RYK: variants seen among roughly 807,000 people sequenced by gnomAD.
The protein encoded by RYK is receptor like tyrosine kinase, also known as inactive tyrosine-protein kinase RYK.
Under a neutral mutation model 70.2 loss-of-function variants are expected in RYK, and 21 were observed. The observed-to-expected ratio is 0.30, with a 90% CI of 0.21 to 0.43. RYK has a LOEUF of 0.43. RYK is among the 20% of genes least tolerant of loss of function. The pLI is 1.00. For missense variants in RYK, 604 were observed against 753.3 expected, an observed-to-expected ratio of 0.80 and a Z score of 2.32; for synonymous variants, 267 against 278.0, an observed-to-expected ratio of 0.96 and a Z score of 0.39.
At chr3:134,232,798 T>A (rs1046218407) in intron 1 of RYK, among the ~76,000 whole-genome samples, 7 of 152,234 alleles carry the variant, frequency 4.6e-5, no homozygotes, top group African/African-American at 1.7e-4. Context: ...AAGTGGTAAG[T>A]AAGATCATTC....
intron 1 of RYK, among the ~76,000 whole-genome samples, chr3:134,228,301 A>G (rs2014964145): frequency 6.6e-6 from 1 of 152,058 alleles, no homozygotes; most frequent in Non-Finnish European, 1.5e-5. Context: ...TAGGGGGAAA[A>G]AAAAATAACT....
At chr3:134,188,740 G>C in intron 9 of RYK, 97 bp downstream of exon 9, 1 of 716,314 alleles carries the variant, frequency 1.4e-6, no homozygotes, top group South Asian at 1.7e-5. Flanking sequence ...GATTTAAAAG[G>C]TCTGGCACAC....
chr3:134,175,192 G>A (rs1293445157), intron 13 of RYK, among the ~76,000 whole-genome samples: 1 of 152,170 alleles, frequency 6.6e-6, no homozygotes, highest in African/African-American at 2.4e-5. Context: ...AAAATTAGCT[G>A]GGCATGTGCC....
chr3:134,207,475 T>C lies in RYK; in HGVS notation c.640A>G (p.Ile214Val). 1 of 1,532,752 alleles carries C rather than the reference T, an allele frequency of 6.5e-7. No individual in the cohort carries two copies. The highest frequency in any genetic ancestry group is 8.8e-7 in the Non-Finnish European group (1 of 1,134,248). The allele number at this position is 1,532,752 out of a possible 1,614,324, so 94.9% of individuals were successfully genotyped here. Residue 214 changes from isoleucine (I) to valine (V), a missense_variant, in exon 5 of 15, where the codon ATT becomes GTT. Physicochemically the swap from Ile to Val is conservative, Grantham distance 29 (BLOSUM62 3). Transcript: ENST00000623711. ...AAGATAATACAGTAACACTTACAAA[T>C]AGTTCTGCTAGTGTTTTTGTCCAAG... ...SALDKNTSRT[I>V]YDPVHAAPTT...
intron 13 of RYK, among the ~76,000 whole-genome samples, chr3:134,171,975 A>G (rs1367117610): frequency 6.6e-6 from 1 of 152,300 alleles, no homozygotes; most frequent in East Asian, 1.9e-4. Context: ...TCCTTTTTCT[A>G]AGAGAATAAT....
At chr3:134,201,151 G>A (rs1373016785) in intron 6 of RYK, among the ~76,000 whole-genome samples, 1 of 152,168 alleles carries the variant, frequency 6.6e-6, no homozygotes, top group Non-Finnish European at 1.5e-5. Context: ...GCTTCCAAAT[G>A]CCATTTCTTC....
intron 10 of RYK, chr3:134,179,986 G>A (rs773400377): frequency 2.0e-5 from 3 of 152,138 alleles, no homozygotes; most frequent in African/African-American, 4.8e-5. Flanking sequence ...ATCTTGTAAT[G>A]AAAAGGAGGA....
At position 134,233,150 on chromosome 3, in the gene RYK, A is replaced by G. The variant is rs187543057; in HGVS notation, c.233-10611T>C. Among the ~76,000 whole-genome samples the G allele has an allele frequency of 3.8e-3, 583 of 152,350 alleles. 14 individuals carry two copies. Among genetic ancestry groups the G allele is most frequent in the Admixed American group, 0.034 (526 of 15,300 alleles). The stretch of plus-strand genomic sequence containing the variant: ...ATCTCTCACTCTCTTCTGAGGCAAC[A>G]TAAGCCATGCTAAATGGTTTGACTG... On this transcript the variant is annotated intron_variant, in intron 1 of 14. Coordinates refer to ENST00000623711, the MANE Select transcript of RYK (RefSeq NM_002958.4).
chr3:134,241,684 G>T (rs2015330339), intron 1 of RYK, among the ~76,000 whole-genome samples: 1 of 152,162 alleles, frequency 6.6e-6, no homozygotes, highest in African/African-American at 2.4e-5. Context: ...AGATGATTTT[G>T]GTTAAAGACT....
intron 1 of RYK, among the ~76,000 whole-genome samples, chr3:134,233,012 A>G (rs1260550404): frequency 6.6e-6 from 1 of 152,236 alleles, no homozygotes; most frequent in Admixed American, 6.5e-5. Flanking sequence ...GAGCATTCCC[A>G]TCCTTTGCAC....
At position 134,159,315 on chromosome 3, in the gene RYK, T is replaced by A; in HGVS notation, c.1634A>T (p.Asp545Val). The A allele has an allele frequency of 6.2e-7, 1 of 1,613,868 alleles. No homozygotes were observed. ...LMTLGQTPYV[D>V]IDPFEMAAYL... ...TGCGGCCATCTCGAAGGGGTCAATGTCCACGTAGGGAGTCTGGCCCAGAGT... is the reference window on the plus strand; with the variant it reads ...TGCGGCCATCTCGAAGGGGTCAATGACCACGTAGGGAGTCTGGCCCAGAGT... The change falls in exon 14 of 15, where the codon GAC becomes GTC. Residue 545 changes from aspartate to valine, a missense_variant. Asp to Val is a radical substitution (Grantham distance 152). Transcript: ENST00000623711.
At chr3:134,185,523 G>A (rs566972771) in intron 9 of RYK, among the ~76,000 whole-genome samples, 4 of 152,204 alleles carry the variant, frequency 2.6e-5, no homozygotes, top group South Asian at 4.1e-4. Flanking sequence ...TGAAACATTC[G>A]GTACTTCTTT....
intron 10 of RYK, chr3:134,180,048 T>C (rs1400110247): frequency 6.6e-6 from 1 of 152,076 alleles, no homozygotes; most frequent in East Asian, 1.9e-4. Context: ...CAGGAGATGC[T>C]ATAGTGAAGA....
chr3:134,245,572 G>A (rs1007413613), intron 1 of RYK, among the ~76,000 whole-genome samples: 1 of 152,022 alleles, frequency 6.6e-6, no homozygotes, highest in African/African-American at 2.4e-5. Context: ...CCTAGACAAG[G>A]GGGGAGCCAC....
intron 9 of RYK, among the ~76,000 whole-genome samples, chr3:134,185,790 C>A (rs564944752): frequency 6.6e-6 from 1 of 152,234 alleles, no homozygotes; most frequent in Non-Finnish European, 1.5e-5. Context: ...GATCTAAGTA[C>A]AACAAATGGT....
intron 2 of RYK, among the ~76,000 whole-genome samples, chr3:134,214,078 A>ATTACAGGTGTGAGCCACCGCGC (rs1305745711): frequency 6.6e-6 from 1 of 152,076 alleles, no homozygotes; most frequent in East Asian, 1.9e-4. Flanking sequence ...CATTGCTGAG[A>ATTACAGGTGTGAGCCACCGCGC]TTACAGGTGT....
At position 134,250,608 on chromosome 3, in the gene RYK, G is replaced by A. The variant is rs1487126898; in HGVS notation, c.47C>T (p.Pro16Leu). Residue 16 changes from proline to leucine, a missense_variant, in exon 1 of 15, where the codon CCG (proline) becomes CTG (leucine). Pro to Leu is a moderately conservative substitution (Grantham distance 98). Around this residue, in one of 2 missense-constraint regions of RYK, gnomAD observed 466 missense variants for 535.9 expected, o/e 0.87. Coordinates refer to ENST00000623711, the MANE Select transcript of RYK (RefSeq NM_002958.4). ...CGGGGCCCTCAGGCCGCGGGCCCCC[G>A]GGAGGCAACTCCGGCCCGGCCGCCC... Reference protein sequence around the residue: ...RLGRPGRSCLPGARGLRAPPP... With the variant: ...RLGRPGRSCLLGARGLRAPPP... 70 of 1,032,656 alleles carry A rather than the reference G, an allele frequency of 6.8e-5. No homozygotes were observed. Among genetic ancestry groups the A allele is most frequent in the Non-Finnish European group, 7.9e-5 (68 of 857,146 alleles). The allele number at this position is 1,032,656 out of a possible 1,614,324, so 64.0% of individuals were successfully genotyped here. A position where few individuals can be genotyped will look rare whatever the true frequency, so the allele number is the denominator to read the frequency against.
intron 10 of RYK, chr3:134,181,534 T>C (rs1025689886): frequency 2.6e-5 from 4 of 152,214 alleles, no homozygotes; most frequent in Admixed American, 1.3e-4. Flanking sequence ...CTTCTGAATA[T>C]GAACCAAAAT....
chr3:134,162,173 G>A (rs2012496317), intron 13 of RYK, among the ~76,000 whole-genome samples: 1 of 151,638 alleles, frequency 6.6e-6, no homozygotes, highest in African/African-American at 2.4e-5. Flanking sequence ...CGTTACATCT[G>A]CAATGACCCT....
Sources: gnomAD v4.1 joint callset for allele counts (sites outside exome capture counted in the v4.1 genomes callset) on GRCh38, gnomAD v4.1.1 for gene constraint, gnomAD v4.1.1 regional missense constraint, MANE v1.5 for transcripts, NCBI Gene and HGNC (gene_info 2026-07-23, HGNC 2026-07-21) for gene names.